TBC1D5: variants seen among roughly 807,000 people sequenced by gnomAD.
TBC1D5 encodes TBC1 domain family, member 5.
A neutral mutation model predicts 100.3 loss-of-function variants in TBC1D5; 75 were observed. That is an observed-to-expected ratio of 0.75 (90% CI 0.62 to 0.91). The LOEUF (loss-of-function observed/expected upper bound fraction) is 0.91. TBC1D5 is among the 40% of genes least tolerant of loss of function. The probability of loss-of-function intolerance (pLI) is 0.00; values close to 1 mark genes in which losing one functional copy is unlikely to be tolerated. For synonymous variants in TBC1D5, 323 were observed against 325.6 expected (o/e 0.99, Z 0.09); for missense variants, 910 against 942.4 (o/e 0.97, Z 0.45).
intron 13 of TBC1D5, among the ~76,000 whole-genome samples, chr3:17,356,451 A>G (rs1476334904): frequency 1.3e-5 from 2 of 152,198 alleles, no homozygotes; most frequent in Non-Finnish European, 2.9e-5. Context: ...AAGTGATACT[A>G]AAACAAAGCA....
intron 12 of TBC1D5, among the ~76,000 whole-genome samples, chr3:17,373,246 G>A (rs2092554556): frequency 6.6e-6 from 1 of 152,136 alleles, no homozygotes; most frequent in African/African-American, 2.4e-5. Context: ...CCAAAGGCAT[G>A]AAAAACATCG....
intron 13 of TBC1D5, among the ~76,000 whole-genome samples, chr3:17,346,906 T>C (rs948981101): frequency 2.6e-5 from 4 of 152,202 alleles, no homozygotes; most frequent in Admixed American, 6.5e-5. Context: ...CCAGATTCAA[T>C]AGGTGTTCAC....
rs56148745 is a variant in TBC1D5 at position 17,666,602 on chromosome 3, T to C, written c.-100-42689A>G. Among the ~76,000 whole-genome samples, 887 of 152,288 alleles carry C rather than the reference T, an allele frequency of 5.8e-3. 6 individuals are homozygous for C. The highest frequency in any genetic ancestry group is 0.021 in the South Asian group (103 of 4,822). ...AAGTTAGACTTGAAAAGTCTGAACA[T>C]AGTAAATCTCCATTACTTATTAAGT... On this transcript the variant is annotated intron_variant, in intron 1 of 21. Coordinates refer to ENST00000253692, the Ensembl canonical transcript of TBC1D5.
intron 3 of TBC1D5, among the ~76,000 whole-genome samples, chr3:17,483,832 T>G (rs753886782): frequency 3.3e-5 from 5 of 152,192 alleles, no homozygotes; most frequent in Non-Finnish European, 5.9e-5. Flanking sequence ...GTAGTATGCC[T>G]GACAGCTGTA....
At chr3:17,310,318 A>G (rs1002397336) in intron 13 of TBC1D5, among the ~76,000 whole-genome samples, 1 of 152,118 alleles carries the variant, frequency 6.6e-6, no homozygotes, top group Non-Finnish European at 1.5e-5. Flanking sequence ...CACATATTTA[A>G]TATCTCCAAA....
intron 15 of TBC1D5, among the ~76,000 whole-genome samples, chr3:17,288,674 G>A (rs1224895936): frequency 6.6e-6 from 1 of 152,038 alleles, no homozygotes; most frequent in Non-Finnish European, 1.5e-5. Flanking sequence ...ACCCAACTTC[G>A]GGTAGAGGAC....
At chr3:17,728,171 G>A (rs2076274172) in intron 1 of TBC1D5, among the ~76,000 whole-genome samples, 1 of 152,138 alleles carries the variant, frequency 6.6e-6, no homozygotes. Context: ...TCAGCACAAT[G>A]TTTAACGGAG....
intron 21 of TBC1D5, among the ~76,000 whole-genome samples, chr3:17,163,909 AG>A (rs1269292831): frequency 1.3e-5 from 2 of 152,206 alleles, no homozygotes; most frequent in African/African-American, 4.8e-5. Context: ...GGATTAAAAC[AG>A]GGGACCCAAG....
intron 2 of TBC1D5, among the ~76,000 whole-genome samples, chr3:17,608,372 T>C (rs941250055): frequency 6.6e-6 from 1 of 152,054 alleles, no homozygotes. Flanking sequence ...AAATACATAA[T>C]GAGTAAAAAG....
rs146598296 is a variant in TBC1D5 at position 17,219,188 on chromosome 3, G to C, written c.1589-4818C>G. Among the ~76,000 whole-genome samples the C allele has an allele frequency of 1.6e-3, 241 of 151,120 alleles. 1 individual carries two copies. The highest frequency in any genetic ancestry group is 6.8e-3 in the Middle Eastern group (2 of 294). The stretch of plus-strand genomic sequence containing the variant: ...TCTTTGGCAGCTCAAATCTGCTGTT[G>C]AGCCCCTGTAATAACTTTTAAAATT... On this transcript the variant is annotated intron_variant, in intron 17 of 21. Coordinates refer to ENST00000253692, the Ensembl canonical transcript of TBC1D5.
intron 2 of TBC1D5, among the ~76,000 whole-genome samples, chr3:17,595,992 A>G (rs929683927): frequency 2.0e-5 from 3 of 152,218 alleles, no homozygotes; most frequent in African/African-American, 7.2e-5. Context: ...CCAGCTGAGG[A>G]AAGACTTAGA....
intron 2 of TBC1D5, among the ~76,000 whole-genome samples, chr3:17,622,184 G>C (rs1472788359): frequency 6.6e-6 from 1 of 152,102 alleles, no homozygotes; most frequent in Non-Finnish European, 1.5e-5. Flanking sequence ...TGAGCAATGT[G>C]GATCCCTCGC....
In TBC1D5 at chr3:17,235,896, C is replaced by T. The variant is rs553332253; in HGVS notation, c.1588+2267G>A. 4.6e-4 allele frequency among the ~76,000 whole-genome samples: 70 copies of T among 151,484 alleles called. No homozygotes were observed. In the South Asian group the frequency reaches 5.4e-3, roughly 12 times the overall value. ...CATTTATCATTAATCTGAAGGTAAA[C>T]AAATTTTTGTTTTTTTTTTTTGGTA... On this transcript the variant is annotated intron_variant, in intron 17 of 21. Coordinates refer to ENST00000253692, the Ensembl canonical transcript of TBC1D5.
At chr3:17,529,544 T>C (rs1576533643) in intron 2 of TBC1D5, among the ~76,000 whole-genome samples, 2 of 152,172 alleles carry the variant, frequency 1.3e-5, no homozygotes. Flanking sequence ...TTTACATATA[T>C]ACATATATGT....
At chr3:17,316,586 C>T (rs1028868832) in intron 13 of TBC1D5, among the ~76,000 whole-genome samples, 2 of 152,158 alleles carry the variant, frequency 1.3e-5, no homozygotes, top group African/African-American at 2.4e-5. Flanking sequence ...AAAAGGAATT[C>T]GCAGCTTCCT....
chr3:17,634,481 A>G (rs1044340100), intron 1 of TBC1D5, among the ~76,000 whole-genome samples: 1 of 152,208 alleles, frequency 6.6e-6, no homozygotes, highest in Admixed American at 6.5e-5. Context: ...GCAGAGAAAG[A>G]CAAATATCAC....
chr3:17,180,348 G>A (rs1365690280), intron 19 of TBC1D5, among the ~76,000 whole-genome samples: 1 of 152,070 alleles, frequency 6.6e-6, no homozygotes, highest in Non-Finnish European at 1.5e-5. Context: ...TAATTAAAGG[G>A]CCATTTGACC....
At chr3:17,646,754 C>T (rs1490568481) in intron 1 of TBC1D5, among the ~76,000 whole-genome samples, 1 of 152,072 alleles carries the variant, frequency 6.6e-6, no homozygotes, top group Admixed American at 6.6e-5. Context: ...TGGTAGTATC[C>T]ATGGTCTCTC....
chr3:17,638,771 G>C (rs546694335), intron 1 of TBC1D5, among the ~76,000 whole-genome samples: 3 of 152,150 alleles, frequency 2.0e-5, no homozygotes, highest in African/African-American at 7.2e-5. Flanking sequence ...GAATAAGTAA[G>C]AGCTACATGT....
Sources: gnomAD v4.1 joint callset for allele counts (sites outside exome capture counted in the v4.1 genomes callset) on GRCh38, gnomAD v4.1.1 for gene constraint, MANE v1.5 for transcripts, NCBI Gene and HGNC (gene_info 2026-07-23, HGNC 2026-07-21) for gene names.